Variants in EHD2 observed in about 807,000 individuals in gnomAD.
The protein encoded by EHD2 is EH domain-containing protein 2.
EHD2 carries 27 observed loss-of-function variants against 41.0 expected under a neutral mutation model. The ratio of observed to expected loss-of-function variants is 0.66; its 90% CI spans 0.49 to 0.91. EHD2 has a LOEUF of 0.91. EHD2 is among the 40% of genes least tolerant of loss of function. EHD2 has a pLI of 0.00. For synonymous variants in EHD2, 342 were observed against 341.0 expected (o/e 1.00, Z -0.03); for missense variants, 673 against 773.9 (o/e 0.87, Z 1.55).
chr19:47,728,445 T>G, intron 4 of EHD2, among the ~76,000 whole-genome samples: 1 of 152,092 alleles, frequency 6.6e-6, no homozygotes, highest in East Asian at 1.9e-4. Context: ...ACTTCCCCCA[T>G]ATGCGTCCTT....
intron 4 of EHD2, among the ~76,000 whole-genome samples, chr19:47,732,590 T>A (rs116221832): frequency 0.012 from 1,867 of 152,004 alleles, 48 homozygotes; most frequent in African/African-American, 0.042. Flanking sequence ...CAACTAGTTT[T>A]AAAATTTTTT....
chr19:47,739,274 ATTTT>A (rs57266469), intron 5 of EHD2, among the ~76,000 whole-genome samples: 46,885 of 115,634 alleles, frequency 0.41, 10,474 homozygotes, highest in South Asian at 0.55. Flanking sequence ...CTAATTTTTA[ATTTT>A]TTTTTTTTTT....
At chr19:47,740,261 C>T (rs1042992158) in intron 5 of EHD2, among the ~76,000 whole-genome samples, 4 of 151,658 alleles carry the variant, frequency 2.6e-5, no homozygotes, top group African/African-American at 4.8e-5. Context: ...CAGCGAATTG[C>T]GGGGGCTGAG....
At chr19:47,738,396 G>A (rs994211746) in intron 5 of EHD2, among the ~76,000 whole-genome samples, 2 of 151,960 alleles carry the variant, frequency 1.3e-5, no homozygotes, top group East Asian at 1.9e-4. Flanking sequence ...TCTGCCTCCC[G>A]GGTTCAAGCA....
At chr19:47,720,665 C>T (rs943654586) in intron 3 of EHD2, among the ~76,000 whole-genome samples, 7 of 152,044 alleles carry the variant, frequency 4.6e-5, no homozygotes, top group African/African-American at 1.2e-4. Flanking sequence ...GTGAGTCTGA[C>T]ATTGTGTGCC....
intron 5 of EHD2, among the ~76,000 whole-genome samples, chr19:47,737,058 C>CTT: frequency 6.6e-6 from 1 of 151,982 alleles, no homozygotes; most frequent in South Asian, 2.1e-4. Context: ...GGTGAAACCC[C>CTT]GTCTCTACTA....
At chr19:47,740,118 C>A (rs1966969539) in intron 5 of EHD2, among the ~76,000 whole-genome samples, 1 of 152,136 alleles carries the variant, frequency 6.6e-6, no homozygotes, top group Non-Finnish European at 1.5e-5. Context: ...GCAATCCCAG[C>A]ACTTTAGGAG....
chr19:47,720,092 CTT>C (rs1465191681), intron 3 of EHD2, among the ~76,000 whole-genome samples: 2 of 150,168 alleles, frequency 1.3e-5, no homozygotes, highest in African/African-American at 2.5e-5. Context: ...GGTTGTATGA[CTT>C]TGAATTGTGT....
At chr19:47,738,166 G>C (rs1966945236) in intron 5 of EHD2, among the ~76,000 whole-genome samples, 1 of 151,948 alleles carries the variant, frequency 6.6e-6, no homozygotes, top group Non-Finnish European at 1.5e-5. Context: ...ATAGGCAGGA[G>C]CCACCATGCC....
At chr19:47,727,389 G>A (rs1239956635) in intron 4 of EHD2, among the ~76,000 whole-genome samples, 1 of 152,076 alleles carries the variant, frequency 6.6e-6, no homozygotes, top group Non-Finnish European at 1.5e-5. Context: ...GAGCCACCGC[G>A]CCAGGCCCAC....
At chr19:47,722,775 T>C (rs546099133) in intron 3 of EHD2, among the ~76,000 whole-genome samples, 2 of 152,070 alleles carry the variant, frequency 1.3e-5, no homozygotes, top group East Asian at 1.9e-4. Context: ...ACTATGTTGG[T>C]CAGGCTGGTC....
At chr19:47,726,741 A>G (rs1426806624) in intron 4 of EHD2, among the ~76,000 whole-genome samples, 63 of 152,012 alleles carry the variant, frequency 4.1e-4, no homozygotes, top group Non-Finnish European at 4.4e-5. Flanking sequence ...CAATGATGCA[A>G]TCACAGCTCA....
intron 3 of EHD2, among the ~76,000 whole-genome samples, chr19:47,720,598 A>C (rs74883921): frequency 0.068 from 10,314 of 152,156 alleles, 463 homozygotes; most frequent in Non-Finnish European, 0.1. Context: ...AGAGACAGAC[A>C]TAAAGGGCAA....
intron 4 of EHD2, among the ~76,000 whole-genome samples, chr19:47,733,665 TC>T (rs1966891630): frequency 7.5e-6 from 1 of 132,918 alleles, no homozygotes; most frequent in South Asian, 2.4e-4. Context: ...AGACTCTGTC[TC>T]AAAAAATAAA....
chr19:47,724,040 A>G (rs998865485), intron 3 of EHD2, among the ~76,000 whole-genome samples: 4 of 150,768 alleles, frequency 2.7e-5, no homozygotes, highest in East Asian at 3.9e-4. Context: ...TAAGCTCTTT[A>G]TATATATTAG....
chr19:47,731,279 A>AAAAAAAAAAAAAT, intron 4 of EHD2: 15 of 60,916 alleles, frequency 2.5e-4, no homozygotes, highest in African/African-American at 3.9e-4. Flanking sequence ...AAAAAAAAAA[A>AAAAAAAAAAAAAT]ATATATATAT....
chr19:47,716,445 C>G, intron 1 of EHD2, 113 bp from the exon 2 acceptor site: 1 of 669,536 alleles, frequency 1.5e-6, no homozygotes, highest in South Asian at 2.9e-5. Flanking sequence ...CCACAAATAT[C>G]TGTGCTCCTC....
chr19:47,722,338 G>A (rs1034628373), intron 3 of EHD2, among the ~76,000 whole-genome samples: 2 of 152,126 alleles, frequency 1.3e-5, no homozygotes, highest in Non-Finnish European at 2.9e-5. Flanking sequence ...TGGAGACACC[G>A]GGAGGGAGGG....
intron 4 of EHD2, among the ~76,000 whole-genome samples, chr19:47,728,703 G>A (rs112209682): frequency 0.018 from 2,761 of 151,908 alleles, 83 homozygotes; most frequent in African/African-American, 0.062. Context: ...TGAGTAGCTG[G>A]GGTTACAGGC....
Sources: allele counts gnomAD v4.1 joint callset (sites outside exome capture counted in the v4.1 genomes callset), GRCh38; gene constraint gnomAD v4.1.1; transcripts MANE v1.5; gene names NCBI Gene and HGNC (gene_info 2026-07-23, HGNC 2026-07-21).